Variants in NALF1 observed in about 807,000 individuals in gnomAD.
NALF1 encodes family with sequence similarity 155 member A.
A neutral mutation model predicts 48.4 loss-of-function variants in NALF1; 3 were observed. The ratio of observed to expected loss-of-function variants is 0.06; its 90% CI spans 0.03 to 0.16. The LOEUF (loss-of-function observed/expected upper bound fraction) is 0.16. Among genes scored for constraint, NALF1 ranks in the 10% least tolerant of loss-of-function variants. The probability of loss-of-function intolerance (pLI) is 1.00; values close to 1 mark genes in which losing one functional copy is unlikely to be tolerated. For missense variants in NALF1, 526 were observed against 571.5 expected, an observed-to-expected ratio of 0.92 and a Z score of 0.81; for synonymous variants, 262 against 245.7, an observed-to-expected ratio of 1.07 and a Z score of -0.62.
intron 1 of NALF1, among the ~76,000 whole-genome samples, chr13:107,311,976 A>G (rs1015741019): frequency 6.6e-5 from 10 of 152,202 alleles, no homozygotes; most frequent in Non-Finnish European, 1.5e-4. Flanking sequence ...TGTTGGTGGG[A>G]CTGTAAACTA....
At chr13:107,754,354 A>AACAC (rs6145234) in intron 1 of NALF1, among the ~76,000 whole-genome samples, 7,906 of 142,308 alleles carry the variant, frequency 0.056, 218 homozygotes, top group Non-Finnish European at 0.07. Context: ...GTACATTGTG[A>AACAC]ACACACACAC....
At chr13:107,502,542 CA>C (rs1450691233) in intron 1 of NALF1, among the ~76,000 whole-genome samples, 1 of 152,158 alleles carries the variant, frequency 6.6e-6, no homozygotes, top group African/African-American at 2.4e-5. Context: ...TGGTTACCAT[CA>C]CCACAGGTTA....
intron 1 of NALF1, among the ~76,000 whole-genome samples, chr13:107,609,923 A>T (rs1192034129): frequency 1.3e-5 from 2 of 152,194 alleles, no homozygotes; most frequent in African/African-American, 4.8e-5. Flanking sequence ...AAAAGGGGAA[A>T]AATAGAAAAA....
At chr13:107,733,160 C>A (rs1256903187) in intron 1 of NALF1, among the ~76,000 whole-genome samples, 1 of 151,944 alleles carries the variant, frequency 6.6e-6, no homozygotes, top group African/African-American at 2.4e-5. Flanking sequence ...AAAAAAAGTG[C>A]CAGTATCACT....
chr13:107,736,235 A>G (rs1422367205), intron 1 of NALF1, among the ~76,000 whole-genome samples: 2 of 151,430 alleles, frequency 1.3e-5, no homozygotes, highest in Non-Finnish European at 2.9e-5. Flanking sequence ...GCGCGCGTGT[A>G]CCTAATAAGC....
At chr13:107,486,547 C>T (rs958317844) in intron 1 of NALF1, among the ~76,000 whole-genome samples, 1 of 152,136 alleles carries the variant, frequency 6.6e-6, no homozygotes. Context: ...AGATGCTAGA[C>T]GCCCTCTTAC....
At chr13:107,652,472 T>C (rs1880472297) in intron 1 of NALF1, among the ~76,000 whole-genome samples, 1 of 152,216 alleles carries the variant, frequency 6.6e-6, no homozygotes, top group East Asian at 1.9e-4. Flanking sequence ...CCTTCTCCTA[T>C]GAAATTCAAC....
At chr13:107,226,877 GA>G (rs1241181327) in intron 1 of NALF1, among the ~76,000 whole-genome samples, 1 of 152,204 alleles carries the variant, frequency 6.6e-6, no homozygotes, top group African/African-American at 2.4e-5. Context: ...GTCCCTGACT[GA>G]AGTGAAGCCA....
At chr13:107,783,260 G>A (rs1325350110) in intron 1 of NALF1, among the ~76,000 whole-genome samples, 3 of 143,796 alleles carry the variant, frequency 2.1e-5, no homozygotes, top group Non-Finnish European at 1.5e-5. Context: ...CCCCCCGCCC[G>A]GCCAGTCGCC....
At chr13:107,664,543 G>C (rs1880808032) in intron 1 of NALF1, among the ~76,000 whole-genome samples, 1 of 152,012 alleles carries the variant, frequency 6.6e-6, no homozygotes, top group African/African-American at 2.4e-5. Context: ...TATCTGATCT[G>C]CCTTCCTCAC....
chr13:107,818,883 A>T (rs1325702900), intron 1 of NALF1, among the ~76,000 whole-genome samples: 1 of 150,084 alleles, frequency 6.7e-6, no homozygotes. Flanking sequence ...AAAAAAAAAA[A>T]AAAAAAAAAA....
rs1555305738 is a variant in NALF1 at position 107,514,421 on chromosome 13, A to ATC, written c.916-303667_916-303666insGA. Reference sequence around the variant, plus strand: ...GCCTATGATTTGAGAAGCTTCTCCTATATCTATCTATCTATCTATCTATCT... The same window carrying ATC: ...GCCTATGATTTGAGAAGCTTCTCCTATCTATCTATCTATCTATCTATCTATCT... On this transcript the variant is annotated intron_variant, in intron 1 of 2. Transcript: ENST00000375915. 7.4e-5 allele frequency among the ~76,000 whole-genome samples: 11 copies of ATC among 148,760 alleles called. No homozygotes were observed. In the East Asian group the frequency reaches 1.6e-3, roughly 22 times the overall value.
At chr13:107,722,850 C>T (rs577702863) in intron 1 of NALF1, among the ~76,000 whole-genome samples, 4 of 152,296 alleles carry the variant, frequency 2.6e-5, no homozygotes, top group Admixed American at 2.6e-4. Context: ...TGGGTTTCAG[C>T]GCGCACCTTC....
chr13:107,207,279 G>A (rs915668364), intron 2 of NALF1, among the ~76,000 whole-genome samples: 15 of 151,768 alleles, frequency 9.9e-5, no homozygotes, highest in African/African-American at 3.2e-4. Context: ...TAACTACACT[G>A]GTCTTTTTAT....
At chr13:107,830,603 C>A (rs555185174) in intron 1 of NALF1, among the ~76,000 whole-genome samples, 4 of 152,124 alleles carry the variant, frequency 2.6e-5, no homozygotes, top group Admixed American at 6.6e-5. Flanking sequence ...TCTATTCAAG[C>A]CCTTTGGCCA....
At chr13:107,379,457 T>C (rs889757871) in intron 1 of NALF1, among the ~76,000 whole-genome samples, 2 of 152,174 alleles carry the variant, frequency 1.3e-5, no homozygotes, top group African/African-American at 4.8e-5. Flanking sequence ...TCCTACCCTT[T>C]ACATTTTTCT....
chr13:107,460,395 T>C (rs1026545480), intron 1 of NALF1, among the ~76,000 whole-genome samples: 1 of 152,248 alleles, frequency 6.6e-6, no homozygotes, highest in African/African-American at 2.4e-5. Context: ...ACTTGGCACC[T>C]TCCTCCAATA....
chr13:107,340,506 TTTTC>T (rs1418248788), intron 1 of NALF1, among the ~76,000 whole-genome samples: 5 of 130,864 alleles, frequency 3.8e-5, no homozygotes, highest in African/African-American at 8.7e-5. Context: ...TCTTTCTTTC[TTTTC>T]TTTCTTTCTC....
chr13:107,766,285 T>C (rs1224411109), intron 1 of NALF1, among the ~76,000 whole-genome samples: 1 of 152,138 alleles, frequency 6.6e-6, no homozygotes, highest in Non-Finnish European at 1.5e-5. Flanking sequence ...TAGACAGCAA[T>C]CTAAAGCCAA....
Sources: allele counts gnomAD v4.1 joint callset (sites outside exome capture counted in the v4.1 genomes callset), GRCh38; gene constraint gnomAD v4.1.1; transcripts MANE v1.5; gene names NCBI Gene and HGNC (gene_info 2026-07-23, HGNC 2026-07-21).